The following STXBP5L variants were observed in gnomAD, a reference collection of about 807,000 sequenced individuals.
STXBP5L encodes the protein syntaxin-binding protein 5-like.
Under a neutral mutation model 144.5 loss-of-function variants are expected in STXBP5L, and 65 were observed. That is an observed-to-expected ratio of 0.45 (90% CI 0.37 to 0.55). The LOEUF is 0.55. Ranked by LOEUF, STXBP5L falls within the 20% of genes least tolerant of loss-of-function variation. STXBP5L has a pLI of 0.00. For missense variants in STXBP5L, 1,298 were observed against 1,405.5 expected, an observed-to-expected ratio of 0.92 and a Z score of 1.22; for synonymous variants, 505 against 469.6, an observed-to-expected ratio of 1.08 and a Z score of -0.97.
intron 25 of STXBP5L, among the ~76,000 whole-genome samples, chr3:121,416,627 C>A (rs1421121390): frequency 6.6e-6 from 1 of 151,626 alleles, no homozygotes; most frequent in Non-Finnish European, 1.5e-5. Flanking sequence ...CCTGCCTCAG[C>A]CTCCCAAGTA....
At chr3:121,234,586 G>T (rs952508417) in intron 12 of STXBP5L, among the ~76,000 whole-genome samples, 4 of 151,982 alleles carry the variant, frequency 2.6e-5, no homozygotes, top group Non-Finnish European at 4.4e-5. Flanking sequence ...GTCTCCACAT[G>T]GAGTCAGCTC....
intron 20 of STXBP5L, among the ~76,000 whole-genome samples, chr3:121,323,221 T>A (rs2044033758): frequency 6.6e-6 from 1 of 152,224 alleles, no homozygotes. Flanking sequence ...TTTTTGTTTT[T>A]GTTGCAATTG....
chr3:121,372,250 G>A (rs1435174727), intron 20 of STXBP5L, among the ~76,000 whole-genome samples: 1 of 152,126 alleles, frequency 6.6e-6, no homozygotes, highest in Non-Finnish European at 1.5e-5. Context: ...AAGACTGAGG[G>A]GTGCTTAGGT....
intron 19 of STXBP5L, among the ~76,000 whole-genome samples, chr3:121,302,984 G>C (rs2051983236): frequency 6.6e-6 from 1 of 152,208 alleles, no homozygotes; most frequent in Non-Finnish European, 1.5e-5. Flanking sequence ...AGGACTTCAT[G>C]TGTAAAACAC....
chr3:121,276,291 C>A (rs1439312180), intron 18 of STXBP5L, among the ~76,000 whole-genome samples: 1 of 151,864 alleles, frequency 6.6e-6, no homozygotes, highest in African/African-American at 2.4e-5. Flanking sequence ...CAGCATGCTT[C>A]TATTTATCCT....
At chr3:121,279,713 C>T (rs1436230154) in intron 18 of STXBP5L, 92 bp from the exon 19 acceptor site, 28 of 1,486,154 alleles carry the variant, frequency 1.9e-5, no homozygotes, top group Non-Finnish European at 2.4e-5. Context: ...AACCCTAAGA[C>T]ATTACTTTTC....
intron 7 of STXBP5L, among the ~76,000 whole-genome samples, chr3:121,142,828 AG>A (rs2045562119): frequency 1.3e-5 from 2 of 151,852 alleles, no homozygotes; most frequent in African/African-American, 4.8e-5. Flanking sequence ...CTTTACCTCA[AG>A]GAACTAGAGA....
intron 19 of STXBP5L, among the ~76,000 whole-genome samples, chr3:121,280,967 T>G (rs1369746865): frequency 6.6e-6 from 1 of 150,992 alleles, no homozygotes; most frequent in African/African-American, 2.4e-5. Context: ...AAAATAAAAT[T>G]TCTACATTGT....
chr3:121,074,258 A>G (rs1438270640), intron 5 of STXBP5L, among the ~76,000 whole-genome samples: 1 of 152,178 alleles, frequency 6.6e-6, no homozygotes, highest in Non-Finnish European at 1.5e-5. Flanking sequence ...CTAAGCATGT[A>G]AACCAAGCAG....
At chr3:121,086,166 A>G (rs1238498978) in intron 5 of STXBP5L, among the ~76,000 whole-genome samples, 10 of 152,178 alleles carry the variant, frequency 6.6e-5, no homozygotes, top group Non-Finnish European at 1.2e-4. Flanking sequence ...TTAACCCAAG[A>G]TGGATTAAAG....
chr3:121,012,093 TATTTC>T (rs1356114131), intron 3 of STXBP5L, among the ~76,000 whole-genome samples: 2 of 151,926 alleles, frequency 1.3e-5, no homozygotes, highest in Admixed American at 6.6e-5. Flanking sequence ...GTGACTGACT[TATTTC>T]ATTTAATATA....
chr3:121,183,962 A>C (rs965748682), intron 9 of STXBP5L, among the ~76,000 whole-genome samples: 1 of 152,080 alleles, frequency 6.6e-6, no homozygotes, highest in African/African-American at 2.4e-5. Flanking sequence ...GCAGACCTGG[A>C]GAAGAGGGGC....
chr3:121,363,884 A>C (rs982465691), intron 20 of STXBP5L, among the ~76,000 whole-genome samples: 2 of 151,920 alleles, frequency 1.3e-5, no homozygotes, highest in South Asian at 4.2e-4. Flanking sequence ...TGAGTAGTTT[A>C]TTTTGTTATT....
chr3:121,084,378 G>A (rs574922060), intron 5 of STXBP5L, among the ~76,000 whole-genome samples: 1 of 152,038 alleles, frequency 6.6e-6, no homozygotes, highest in South Asian at 2.1e-4. Flanking sequence ...CCCTCAACAG[G>A]CCCCAGTGTG....
chr3:121,188,508 A>C (rs1415530188), intron 9 of STXBP5L, among the ~76,000 whole-genome samples: 2 of 151,844 alleles, frequency 1.3e-5, no homozygotes, highest in African/African-American at 2.4e-5. Flanking sequence ...GCAAAAAAAA[A>C]AAAGACTTTT....
chr3:121,201,441 C>T (rs2048134895), intron 9 of STXBP5L, among the ~76,000 whole-genome samples: 1 of 152,146 alleles, frequency 6.6e-6, no homozygotes, highest in African/African-American at 2.4e-5. Flanking sequence ...TGATGCAGCA[C>T]ATCGATGGGT....
intron 3 of STXBP5L, among the ~76,000 whole-genome samples, chr3:121,016,414 C>CT (rs1265942831): frequency 6.6e-6 from 1 of 152,090 alleles, no homozygotes; most frequent in Admixed American, 6.6e-5. Context: ...GGTGGAAACT[C>CT]TAAGATTCAA....
At chr3:121,418,126 C>T (rs1045221642) in intron 25 of STXBP5L, among the ~76,000 whole-genome samples, 1 of 152,156 alleles carries the variant, frequency 6.6e-6, no homozygotes, top group African/African-American at 2.4e-5. Flanking sequence ...ATACAAAAGG[C>T]CTATGATAAC....
chr3:121,269,254 G>A (rs114410192), intron 18 of STXBP5L, among the ~76,000 whole-genome samples: 30 of 152,168 alleles, frequency 2.0e-4, no homozygotes, highest in African/African-American at 7.0e-4. Context: ...GATTAATGTG[G>A]TTAACTTTAG....
Sources: gnomAD v4.1 joint callset for allele counts (sites outside exome capture counted in the v4.1 genomes callset) on GRCh38, gnomAD v4.1.1 for gene constraint, MANE v1.5 for transcripts, NCBI Gene and HGNC (gene_info 2026-07-23, HGNC 2026-07-21) for gene names.